The following KIF4A variants were observed in gnomAD, a reference collection of about 807,000 sequenced individuals.
KIF4A encodes the protein chromosome-associated kinesin KIF4A.
In KIF4A, 7 loss-of-function variants were observed where a neutral mutation model predicts 105.9. The observed-to-expected ratio is 0.07, with a 90% CI of 0.04 to 0.12. The LOEUF (loss-of-function observed/expected upper bound fraction) is 0.12, where lower values mean the gene tolerates loss of function less well. Among genes scored for constraint, KIF4A ranks in the 10% least tolerant of loss-of-function variants. The pLI is 1.00. For missense variants in KIF4A, 558 were observed against 929.2 expected, an observed-to-expected ratio of 0.60 and a Z score of 5.19; for synonymous variants, 281 against 331.3, an observed-to-expected ratio of 0.85 and a Z score of 1.65.
chrX:70,331,985 A>G (rs948623002), intron 9 of KIF4A, among the ~76,000 whole-genome samples: 1 of 111,864 alleles, frequency 8.9e-6, no homozygotes, highest in Non-Finnish European at 1.9e-5. Context: ...AAGGAATGAC[A>G]CCCAGATTTC....
At chrX:70,320,256 C>G (rs1471845060) in intron 7 of KIF4A, among the ~76,000 whole-genome samples, 1 of 111,806 alleles carries the variant, frequency 8.9e-6, no homozygotes, top group Non-Finnish European at 1.9e-5. Context: ...AGTCCATGCC[C>G]TCACCTGCAC....
At chrX:70,290,365 C>G in intron 1 of KIF4A, 73 bp from the exon 2 acceptor site, 1 of 1,116,688 alleles carries the variant, frequency 9.0e-7, no homozygotes, top group Non-Finnish European at 1.2e-6. Context: ...AGGGTCGGAA[C>G]CGGGGAGGAC....
chrX:70,396,194 G>T, intron 22 of KIF4A, 145 bp downstream of exon 22: 1 of 420,516 alleles, frequency 2.4e-6, no homozygotes, highest in Non-Finnish European at 4.1e-6. Flanking sequence ...ACTGTACTAG[G>T]TATCTTAGAT....
intron 10 of KIF4A, among the ~76,000 whole-genome samples, chrX:70,339,651 G>C (rs1458775430): frequency 8.9e-6 from 1 of 112,423 alleles, no homozygotes; most frequent in Non-Finnish European, 1.9e-5. Flanking sequence ...ATTTTATAAG[G>C]CTTGTTAACA....
chrX:70,302,179 C>G, intron 6 of KIF4A, 113 bp downstream of exon 6: 1 of 1,078,416 alleles, frequency 9.3e-7, no homozygotes, highest in South Asian at 2.1e-5. Context: ...ATTGTGAGCA[C>G]GAGTGACTAA....
intron 13 of KIF4A, 23 bp downstream of exon 13, chrX:70,344,005 A>G (rs1461542235): frequency 9.8e-7 from 1 of 1,024,821 alleles, no homozygotes. Flanking sequence ...GGGGCAGTGT[A>G]AATAGGCATA....
chrX:70,374,211 G>A lies in KIF4A; in HGVS notation c.1735G>A (p.Val579Ile). ...TCTGCAAAAGGAAAAGGAAGAATTG[G>A]TTCTTGAACTTCAGACAGCAAAGAA... ...INLQKEKEEL[V>I]LELQTAKKDA... The change falls in exon 16 of 31, where the codon GTT becomes ATT. Residue 579 changes from valine (V) to isoleucine (I), a missense_variant. Physicochemically the swap from Val to Ile is conservative, Grantham distance 29. Coordinates refer to ENST00000374403, the MANE Select transcript of KIF4A (RefSeq NM_012310.5). 1 of 1,203,543 alleles carries A rather than the reference G, an allele frequency of 8.3e-7. No individual in the cohort carries two copies. The highest frequency in any genetic ancestry group is 1.1e-6 in the Non-Finnish European group (1 of 889,077).
intron 28 of KIF4A, among the ~76,000 whole-genome samples, chrX:70,414,568 G>T (rs969684825): frequency 6.3e-5 from 7 of 111,950 alleles, no homozygotes; most frequent in Admixed American, 3.8e-4. Context: ...AGGTGGTGAG[G>T]ATACATGAGA....
At chrX:70,419,127 G>A (rs934140158) in intron 29 of KIF4A, among the ~76,000 whole-genome samples, 18 of 110,695 alleles carry the variant, frequency 1.6e-4, no homozygotes, top group Non-Finnish European at 3.0e-4. Context: ...AGGCAAGCTA[G>A]AAGTCAGGCT....
At chrX:70,369,335 A>G (rs1379511359) in intron 15 of KIF4A, among the ~76,000 whole-genome samples, 1 of 112,215 alleles carries the variant, frequency 8.9e-6, no homozygotes, top group Non-Finnish European at 1.9e-5. Flanking sequence ...TGTCTTCTGC[A>G]TTGCTCACGC....
At chrX:70,367,198 T>G (rs2147714648) in intron 15 of KIF4A, among the ~76,000 whole-genome samples, 1 of 112,031 alleles carries the variant, frequency 8.9e-6, no homozygotes, top group African/African-American at 3.2e-5. Context: ...TCTTGACTCT[T>G]TATCCAGTTT....
At chrX:70,376,503 T>C (rs191642748) in intron 18 of KIF4A, among the ~76,000 whole-genome samples, 59 of 61,921 alleles carry the variant, frequency 9.5e-4, no homozygotes, top group African/African-American at 3.2e-3. Flanking sequence ...AGAAAGAGAT[T>C]TGGGCTATAA....
At chrX:70,385,721 G>A (rs1329621526) in intron 18 of KIF4A, among the ~76,000 whole-genome samples, 3 of 112,060 alleles carry the variant, frequency 2.7e-5, no homozygotes, top group Non-Finnish European at 5.6e-5. Flanking sequence ...GAGCTTAATG[G>A]ATTATTAGAA....
chrX:70,381,254 A>T lies in KIF4A; in HGVS notation c.2034+5044A>T, dbSNP rs754452013. Among the ~76,000 whole-genome samples the T allele has an allele frequency of 5.4e-5, 6 of 111,142 alleles. No homozygotes were observed. The Admixed American group carries it at 5.8e-4, about 11-fold the overall frequency. On this transcript the variant is annotated intron_variant, in intron 18 of 30. Transcript: ENST00000374403. ...ACAATGAGATTAATAAAACAATCCC[A>T]CGGCTGGGTGTGGTGGCTCACGCCT...
At chrX:70,393,381 G>A (rs965702426) in intron 20 of KIF4A, among the ~76,000 whole-genome samples, 4 of 111,366 alleles carry the variant, frequency 3.6e-5, no homozygotes, top group Non-Finnish European at 7.5e-5. Context: ...TGTTCTATGT[G>A]TACTTGAGAA....
intron 7 of KIF4A, among the ~76,000 whole-genome samples, chrX:70,324,877 G>A (rs2085904902): frequency 9.0e-6 from 1 of 111,446 alleles, no homozygotes; most frequent in African/African-American, 3.3e-5. Context: ...AACCTCCTGG[G>A]CTGAAGCCAT....
Position 70,353,717 on chromosome X carries a change from G to A in KIF4A, c.1584G>A (p.Glu528=), listed in dbSNP as rs751057911. ...RQAQMSKELV[E]LNKALALKEA... ...CGCAGATGTCTAAGGAGCTGGTTGA[G>A]TTGAATAAAGCGCTTGCACTGAAAG... Residue 528 remains glutamate, a synonymous_variant, in exon 15 of 31, where the codon GAG becomes GAA. Coordinates refer to ENST00000374403, the MANE Select transcript of KIF4A (RefSeq NM_012310.5). 8.3e-7 allele frequency: 1 copy of A among 1,209,688 alleles called. No individual in the cohort carries two copies. Among genetic ancestry groups the A allele is most frequent in the South Asian group, 1.8e-5 (1 of 56,298 alleles).
chrX:70,396,005 T>C lies in KIF4A; in HGVS notation c.2445T>C (p.Ser815=), dbSNP rs1318729244. 8.3e-7 allele frequency: 1 copy of C among 1,207,999 alleles called. No individual in the cohort carries two copies. The highest frequency in any genetic ancestry group is 2.2e-5 in the Admixed American group (1 of 45,987). The change falls in exon 22 of 31, where the codon TCT becomes TCC. Residue 815 remains serine (S), a synonymous_variant. Coordinates refer to ENST00000374403, the MANE Select transcript of KIF4A (RefSeq NM_012310.5). The part of the protein sequence containing the change: ...VRGQVSESED[S]ITKQIESLET... ...GTCAAGTTTCGGAGTCAGAAGATTC[T>C]ATTACAAAGCAGATTGAAAGCCTAG...
At chrX:70,364,415 G>T (rs764470517) in intron 15 of KIF4A, among the ~76,000 whole-genome samples, 1 of 108,423 alleles carries the variant, frequency 9.2e-6, no homozygotes, top group Non-Finnish European at 1.9e-5. Flanking sequence ...ATTAATTTTT[G>T]TATAAGGTGT....
Sources: allele counts gnomAD v4.1 joint callset (sites outside exome capture counted in the v4.1 genomes callset), GRCh38; gene constraint gnomAD v4.1.1; transcripts MANE v1.5; gene names NCBI Gene and HGNC (gene_info 2026-07-23, HGNC 2026-07-21).